The following CDON variants were observed in gnomAD, a reference collection of about 807,000 sequenced individuals.
CDON encodes the protein cell adhesion associated, oncogene regulated, also known as cell adhesion molecule-related/down-regulated by oncogenes.
Under a neutral mutation model 120.9 loss-of-function variants are expected in CDON, and 73 were observed. The observed-to-expected ratio is 0.60, with a 90% confidence interval of 0.50 to 0.73. The LOEUF (loss-of-function observed/expected upper bound fraction) is 0.73, where lower values mean the gene tolerates loss of function less well. Among genes scored for constraint, CDON ranks in the 30% least tolerant of loss-of-function variants. The pLI is 0.00. For synonymous variants in CDON, 566 were observed against 573.5 expected (o/e 0.99, Z 0.19); for missense variants, 1,470 against 1,587.3 (o/e 0.93, Z 1.26).
At chr11:126,016,875 G>A (rs1446264356) in intron 6 of CDON, among the ~76,000 whole-genome samples, 1 of 152,084 alleles carries the variant, frequency 6.6e-6, no homozygotes, top group Non-Finnish European at 1.5e-5. Flanking sequence ...TTGGGGGTGA[G>A]GTTCCGAAGA....
intron 1 of CDON, among the ~76,000 whole-genome samples, chr11:126,056,776 C>T (rs1426382930): frequency 1.3e-5 from 2 of 152,232 alleles, no homozygotes; most frequent in Non-Finnish European, 2.9e-5. Context: ...GTGGCCAAAA[C>T]TCTTCTTCCT....
intron 1 of CDON, among the ~76,000 whole-genome samples, chr11:126,046,208 C>CA (rs558551807): frequency 7.2e-4 from 110 of 152,038 alleles, no homozygotes; most frequent in Non-Finnish European, 1.1e-3. Flanking sequence ...TCCCTAGAAT[C>CA]AAAAAAGTTA....
At chr11:126,038,544 C>T (rs767413166) in intron 1 of CDON, among the ~76,000 whole-genome samples, 2 of 151,772 alleles carry the variant, frequency 1.3e-5, no homozygotes, top group Non-Finnish European at 2.9e-5. Context: ...CCCAGCTACT[C>T]GGGACGCTGA....
chr11:125,969,703 T>G (rs1165546743), intron 18 of CDON, among the ~76,000 whole-genome samples: 1 of 152,254 alleles, frequency 6.6e-6, no homozygotes, highest in Non-Finnish European at 1.5e-5. Context: ...TTGTAAAACC[T>G]CAGGTGGTCT....
At position 126,034,358 on chromosome 11, in the gene CDON, C is replaced by T. The variant is rs1467104101; in HGVS notation, c.-61-10821G>A. Among the ~76,000 whole-genome samples the T allele has an allele frequency of 6.6e-6, 1 of 152,004 alleles. No homozygotes were observed. Among genetic ancestry groups the T allele is most frequent in the African/African-American group, 2.4e-5 (1 of 41,388 alleles). ...AACTCCACATGAGCCTCTTCAGCTCCAACACAATGAAAAGGGCCCAGGACG... is the reference window on the plus strand; with the variant it reads ...AACTCCACATGAGCCTCTTCAGCTCTAACACAATGAAAAGGGCCCAGGACG... On this transcript the variant is annotated intron_variant, in intron 1 of 19. Coordinates refer to ENST00000531738, the MANE Select transcript of CDON (RefSeq NM_001378964.1). This position sits in a 1 kb window ranked among gnomAD's most constrained non-coding sequence, Gnocchi z 4.5.
At chr11:125,997,520 A>G in intron 11 of CDON, 110 bp from the exon 12 acceptor site, 3 of 863,178 alleles carry the variant, frequency 3.5e-6, no homozygotes, top group Non-Finnish European at 5.7e-6. Context: ...GTTCTTCACC[A>G]AACTTTTTGC....
chr11:125,993,287 C>T (rs980205922), intron 14 of CDON, among the ~76,000 whole-genome samples: 2 of 152,048 alleles, frequency 1.3e-5, no homozygotes, highest in African/African-American at 2.4e-5. Flanking sequence ...GAGAAAAGGT[C>T]CTATGCTCAC....
At chr11:125,975,106 C>T (rs957468496) in intron 18 of CDON, among the ~76,000 whole-genome samples, 2 of 152,176 alleles carry the variant, frequency 1.3e-5, no homozygotes, top group Non-Finnish European at 2.9e-5. Flanking sequence ...AGCTTTGCAA[C>T]AATTATGATG....
chr11:125,985,599 A>G (rs1251466658), intron 15 of CDON, among the ~76,000 whole-genome samples: 1 of 152,242 alleles, frequency 6.6e-6, no homozygotes, highest in African/African-American at 2.4e-5. Flanking sequence ...GTGGTGGTCA[A>G]TCAATTCTGC....
In CDON at chr11:126,021,424, C is replaced by T. The variant is rs377281257; in HGVS notation, c.173G>A (p.Arg58His). The change falls in exon 3 of 20, where the codon CGT becomes CAT. Residue 58 changes from arginine to histidine, a missense_variant. Coordinates refer to ENST00000531738, the MANE Select transcript of CDON (RefSeq NM_001378964.1). Reference protein sequence around the residue: ...LHCSAQPVTTRISWLHNGKTL... With the variant: ...LHCSAQPVTTHISWLHNGKTL... ...TTTTCCGTTATGCAGCCATGAGATA[C>T]GAGTGGTCACAGGTTGAGCAGAACA... The T allele has an allele frequency of 7.4e-6, 12 of 1,613,938 alleles. No homozygotes were observed. The highest frequency in any genetic ancestry group is 5.0e-5 in the Admixed American group (3 of 60,006).
chr11:125,996,878 T>A (rs79558152), intron 12 of CDON, among the ~76,000 whole-genome samples: 282 of 151,574 alleles, frequency 1.9e-3, no homozygotes, highest in Non-Finnish European at 3.4e-3. Flanking sequence ...ATAAGACTAC[T>A]AAAAATATGC....
In CDON at chr11:126,044,055, G is replaced by C. The variant is rs1948336807; in HGVS notation, c.-62+18524C>G. Among the ~76,000 whole-genome samples the C allele has an allele frequency of 2.6e-5, 4 of 152,148 alleles. 1 individual carries two copies. In the South Asian group the frequency reaches 8.3e-4, roughly 32 times the overall value. On this transcript the variant is annotated intron_variant, in intron 1 of 19. Transcript: ENST00000531738. ...CATTATAGAATGCTGTACAAACAAA[G>C]TTTGAAACAGGTAAAAAGAAACGTG...
In CDON at chr11:126,034,891, C is replaced by T. The variant is rs1948052496; in HGVS notation, c.-61-11354G>A. Among the ~76,000 whole-genome samples the T allele has an allele frequency of 1.3e-5, 2 of 152,126 alleles. No individual in the cohort carries two copies. Among genetic ancestry groups the T allele is most frequent in the African/African-American group, 4.8e-5 (2 of 41,416 alleles). On this transcript the variant is annotated intron_variant, in intron 1 of 19. Coordinates refer to ENST00000531738, the MANE Select transcript of CDON (RefSeq NM_001378964.1). This position sits in a 1 kb window ranked among gnomAD's most constrained non-coding sequence, Gnocchi z 4.5. The stretch of plus-strand genomic sequence containing the variant: ...CGTTATGGTAACCACAAAACAAATG[C>T]TAAAAGCTAAGTTTGCTAAGAACTA...
chr11:125,985,578 C>A (rs1261740571), intron 15 of CDON, among the ~76,000 whole-genome samples: 1 of 152,146 alleles, frequency 6.6e-6, no homozygotes, highest in Non-Finnish European at 1.5e-5. Flanking sequence ...GCACTTAGAG[C>A]CTGGCTCAGA....
chr11:125,984,422 C>T (rs972275145), intron 15 of CDON, among the ~76,000 whole-genome samples: 1 of 152,214 alleles, frequency 6.6e-6, no homozygotes, highest in African/African-American at 2.4e-5. Context: ...TTAGGCCGGG[C>T]GTGGTGGCTC....
intron 11 of CDON, among the ~76,000 whole-genome samples, chr11:125,999,223 G>A (rs1254321990): frequency 6.6e-6 from 1 of 152,112 alleles, no homozygotes; most frequent in Admixed American, 6.6e-5. Context: ...TCCTTATGTT[G>A]ATTCGTCTGA....
chr11:125,972,050 G>A (rs528752110), intron 18 of CDON, among the ~76,000 whole-genome samples: 6 of 152,224 alleles, frequency 3.9e-5, no homozygotes, highest in African/African-American at 9.7e-5. Flanking sequence ...GGTCTCTGGT[G>A]TAAGGAACTG....
intron 1 of CDON, among the ~76,000 whole-genome samples, chr11:126,045,182 T>C (rs1948372610): frequency 1.3e-5 from 2 of 152,050 alleles, no homozygotes; most frequent in African/African-American, 2.4e-5. Flanking sequence ...CGCGCCACCA[T>C]GTCCAGTTAA....
At position 126,032,662 on chromosome 11, in the gene CDON, G is replaced by A. The variant is rs138250722; in HGVS notation, c.-61-9125C>T. ...GGGACCTGTACTGGAGAAATATCAC[G>A]GGATAAATTTGAAAGGTTTTTCAAA... is the stretch of plus-strand genomic sequence containing the variant. On this transcript the variant is annotated intron_variant, in intron 1 of 19. Transcript: ENST00000531738. Among the ~76,000 whole-genome samples the A allele has an allele frequency of 1.0e-3, 156 of 152,188 alleles. 1 individual carries two copies. Among genetic ancestry groups the A allele is most frequent in the African/African-American group, 3.4e-3 (142 of 41,528 alleles).
Sources: allele counts gnomAD v4.1 joint callset (sites outside exome capture counted in the v4.1 genomes callset), GRCh38; gene constraint gnomAD v4.1.1; non-coding constraint Gnocchi (gnomAD v3.1); transcripts MANE v1.5; gene names NCBI Gene and HGNC (gene_info 2026-07-23, HGNC 2026-07-21).